NFIB: variants seen among roughly 807,000 people sequenced by gnomAD.
The protein encoded by NFIB is nuclear factor 1 B-type.
In NFIB, 11 loss-of-function variants were observed where a neutral mutation model predicts 61.5. That is an observed-to-expected ratio of 0.18 (90% CI 0.11 to 0.30). The LOEUF (loss-of-function observed/expected upper bound fraction) is 0.30. NFIB is among the 10% of genes least tolerant of loss of function. The pLI is 1.00. For synonymous variants in NFIB, 260 were observed against 216.5 expected (o/e 1.20, Z -1.76); for missense variants, 471 against 608.9 (o/e 0.77, Z 2.38).
intron 2 of NFIB, among the ~76,000 whole-genome samples, chr9:14,206,865 G>A (rs559990036): frequency 3.3e-5 from 5 of 152,264 alleles, no homozygotes; most frequent in African/African-American, 9.6e-5. Context: ...GCACAAGACA[G>A]TGCAACGCAT....
the NFIB span, among the ~76,000 whole-genome samples, chr9:14,454,240 G>A: frequency 6.6e-6 from 1 of 152,194 alleles, no homozygotes; most frequent in Admixed American, 6.5e-5. Flanking sequence ...TAATTGAAAA[G>A]TTAGACCTGA....
chr9:14,255,602 T>C (rs1180024160), intron 2 of NFIB, among the ~76,000 whole-genome samples: 5 of 152,214 alleles, frequency 3.3e-5, no homozygotes, highest in African/African-American at 1.2e-4. Context: ...CTTCAGTTTA[T>C]ATAAATTGCT....
rs559988347 is a variant in NFIB, at chr9:14,344,184, A to G, written c.109-36664T>C. ...GCGACATCAAGTGAAAGCAAAAACAACAGAGACAGACACACACATACATAG... is the reference window on the plus strand; with the variant it reads ...GCGACATCAAGTGAAAGCAAAAACAGCAGAGACAGACACACACATACATAG... On this transcript the variant is annotated intron_variant, in intron 1 of 8. Transcript: ENST00000380934. Among the ~76,000 whole-genome samples, 17 of 152,130 alleles carry G rather than the reference A, an allele frequency of 1.1e-4. No individual in the cohort carries two copies. In the East Asian group the frequency reaches 2.7e-3, roughly 24 times the overall value.
At chr9:14,158,137 C>CA (rs1220126975) in intron 3 of NFIB, among the ~76,000 whole-genome samples, 2 of 148,212 alleles carry the variant, frequency 1.3e-5, no homozygotes, top group Non-Finnish European at 3.0e-5. Context: ...CAAAACAAAA[C>CA]AAAAAAACAA....
chr9:14,398,783 G>C (rs2061713629), exon 1 of NFIB: 1 of 569,886 alleles, frequency 1.8e-6, no homozygotes. Flanking sequence ...GAGGGTGACT[G>C]ATGGATCTTT....
intron 6 of NFIB, among the ~76,000 whole-genome samples, chr9:14,144,378 A>G (rs573941465): frequency 1.3e-5 from 2 of 152,172 alleles, no homozygotes; most frequent in Non-Finnish European, 2.9e-5. Context: ...TCTGACAAGG[A>G]AAGTATGGCT....
intron 1 of NFIB, among the ~76,000 whole-genome samples, chr9:14,385,452 A>G (rs1265715765): frequency 6.6e-6 from 1 of 152,230 alleles, no homozygotes; most frequent in Non-Finnish European, 1.5e-5. Context: ...TATTTGTAAA[A>G]TTATCTCTGC....
chr9:14,263,244 G>A (rs1752765659), intron 2 of NFIB, among the ~76,000 whole-genome samples: 1 of 150,966 alleles, frequency 6.6e-6, no homozygotes, highest in Non-Finnish European at 1.5e-5. Context: ...TTATTTAAAG[G>A]TGGATGTTTC....
At chr9:14,162,232 T>TATG (rs765847284) in intron 3 of NFIB, among the ~76,000 whole-genome samples, 6 of 150,664 alleles carry the variant, frequency 4.0e-5, no homozygotes, top group Non-Finnish European at 8.9e-5. Context: ...AAATGTTGGC[T>TATG]ATGAATTTAT....
At chr9:14,163,885 A>G (rs1374932114) in intron 3 of NFIB, among the ~76,000 whole-genome samples, 1 of 151,966 alleles carries the variant, frequency 6.6e-6, no homozygotes, top group Non-Finnish European at 1.5e-5. Context: ...ATAAAAGTAA[A>G]TAATAAAAAA....
chr9:14,333,644 C>T (rs1170186511), intron 1 of NFIB, among the ~76,000 whole-genome samples: 1 of 152,198 alleles, frequency 6.6e-6, no homozygotes, highest in African/African-American at 2.4e-5. Flanking sequence ...ACCTAAGTGA[C>T]TGCCTTGTCT....
chr9:14,303,061 T>C (rs2059833473), intron 2 of NFIB, among the ~76,000 whole-genome samples: 1 of 152,236 alleles, frequency 6.6e-6, no homozygotes. Flanking sequence ...ACCTCAGACC[T>C]TAACGCATAG....
chr9:14,453,498 A>T, the NFIB span, among the ~76,000 whole-genome samples: 1 of 152,372 alleles, frequency 6.6e-6, no homozygotes, highest in Non-Finnish European at 1.5e-5. Flanking sequence ...TTTGGAACTA[A>T]GCACTTTAAT....
At chr9:14,169,894 G>A (rs1194295679) in intron 3 of NFIB, among the ~76,000 whole-genome samples, 1 of 152,178 alleles carries the variant, frequency 6.6e-6, no homozygotes, top group African/African-American at 2.4e-5. Flanking sequence ...CGCTTTCATA[G>A]TCACGGAGAA....
Position 14,313,626 on chromosome 9 carries a change from G to C in NFIB, c.-115C>G. The C allele has an allele frequency of 1.3e-6, 2 of 1,583,902 alleles. No homozygotes were observed. The highest frequency in any genetic ancestry group is 8.6e-7 in the Non-Finnish European group (1 of 1,165,544). ...GCCCCGCGATGCGATCAATCAGGAC[G>C]GGGCTCTGCGCTGGATCACCGCAAC... is the stretch of plus-strand genomic sequence containing the variant. On this transcript the variant is annotated 5_prime_UTR_variant, in exon 1 of 11. Transcript: ENST00000380953. The surrounding 1 kb of genome is among the most constrained non-coding windows in gnomAD (Gnocchi z 4.5).
intron 2 of NFIB, among the ~76,000 whole-genome samples, chr9:14,191,010 T>A (rs1044955960): frequency 6.6e-6 from 1 of 152,050 alleles, no homozygotes; most frequent in African/African-American, 2.4e-5. Flanking sequence ...CTGGCCAACA[T>A]AATGAAATTC....
chr9:14,255,039 T>C (rs572189906), intron 2 of NFIB, among the ~76,000 whole-genome samples: 9 of 152,170 alleles, frequency 5.9e-5, no homozygotes, highest in South Asian at 4.2e-4. Flanking sequence ...CTGGGCAACA[T>C]AGCAAGACCC....
rs755854101 is a variant in NFIB, at chr9:14,216,519, TCTCTCTCTCTCTCTCTCTCTCTCC to T, written c.563-36763_563-36740del. ...CTCTCTCTCTCTCTCTCTCTCTCTC[TCTCTCTCTCTCTCTCTCTCTCTCC>T]CTCTGTGTGTGTGTGTGTGTGTGTG... is the stretch of plus-strand genomic sequence containing the variant. On this transcript the variant is annotated intron_variant, in intron 2 of 10. Transcript: ENST00000380953. Among the ~76,000 whole-genome samples the T allele has an allele frequency of 4.4e-3, 157 of 35,626 alleles. 1 individual carries two copies. Among genetic ancestry groups the T allele is most frequent in the South Asian group, 0.019 (19 of 996 alleles). 23.4% of individuals were successfully genotyped at this position (35,626 alleles called of 152,430 possible).
chr9:14,472,847 A>G, the NFIB span, among the ~76,000 whole-genome samples: 42 of 152,324 alleles, frequency 2.8e-4, no homozygotes, highest in African/African-American at 9.9e-4. Flanking sequence ...TCTCAAAAAA[A>G]TAAAAATAAA....
Sources: allele counts gnomAD v4.1 joint callset (sites outside exome capture counted in the v4.1 genomes callset), GRCh38; gene constraint gnomAD v4.1.1; non-coding constraint Gnocchi (gnomAD v3.1); transcripts MANE v1.5; gene names NCBI Gene and HGNC (gene_info 2026-07-23, HGNC 2026-07-21).